DPP10: variants seen among roughly 807,000 people sequenced by gnomAD.
DPP10 encodes inactive dipeptidyl peptidase 10.
Under a neutral mutation model 120.9 loss-of-function variants are expected in DPP10, and 33 were observed. The observed-to-expected ratio is 0.27, with a 90% CI of 0.21 to 0.37. DPP10 has a LOEUF of 0.37. DPP10 is among the 10% of genes least tolerant of loss of function. DPP10 has a pLI of 1.00. For missense variants in DPP10, 816 were observed against 942.8 expected (o/e 0.87, Z 1.76); for synonymous variants, 337 against 326.1 (o/e 1.03, Z -0.36).
chr2:115,683,199 A>T (rs1559025661), intron 5 of DPP10, among the ~76,000 whole-genome samples: 1 of 151,994 alleles, frequency 6.6e-6, no homozygotes, highest in Non-Finnish European at 1.5e-5. Flanking sequence ...AAACACATGG[A>T]TGAAATGTAT....
At chr2:114,554,382 G>C (rs1172077826) in intron 1 of DPP10, among the ~76,000 whole-genome samples, 1 of 152,244 alleles carries the variant, frequency 6.6e-6, no homozygotes, top group Non-Finnish European at 1.5e-5. Context: ...CACTGGGGCT[G>C]TGTCACCTTG....
chr2:115,728,302 A>T (rs1257583782), intron 8 of DPP10, among the ~76,000 whole-genome samples: 2 of 152,144 alleles, frequency 1.3e-5, no homozygotes, highest in Admixed American at 1.3e-4. Context: ...AAAAAAAAAA[A>T]AAAATGCATA....
chr2:115,334,801 A>G (rs902904813), intron 2 of DPP10, among the ~76,000 whole-genome samples: 1 of 152,044 alleles, frequency 6.6e-6, no homozygotes, highest in African/African-American at 2.4e-5. Context: ...GACAATAGCT[A>G]AAAGTAAATG....
intron 5 of DPP10, chr2:115,579,782 C>T (rs2081909069): frequency 2.0e-5 from 3 of 152,092 alleles, no homozygotes; most frequent in African/African-American, 7.2e-5. Context: ...TCTCTCTGTC[C>T]ACATAACGTA....
chr2:115,073,492 T>C (rs559007567), intron 1 of DPP10, among the ~76,000 whole-genome samples: 2 of 152,348 alleles, frequency 1.3e-5, no homozygotes, highest in East Asian at 3.9e-4. Flanking sequence ...AGATGGGCTG[T>C]TAGAGGGCAG....
At chr2:114,864,876 G>A (rs1247044186) in intron 1 of DPP10, among the ~76,000 whole-genome samples, 3 of 152,090 alleles carry the variant, frequency 2.0e-5, no homozygotes, top group Non-Finnish European at 2.9e-5. Context: ...TCTTCACAAA[G>A]CCATTTTCAC....
intron 3 of DPP10, among the ~76,000 whole-genome samples, chr2:115,378,892 G>A (rs1574624899): frequency 6.6e-6 from 1 of 152,198 alleles, no homozygotes; most frequent in Admixed American, 6.5e-5. Context: ...TTGCATCCCA[G>A]GGATGAAGCC....
At position 115,541,497 on chromosome 2, in the gene DPP10, C is replaced by CGA. The variant is rs143431952; in HGVS notation, c.441+15540_441+15541dup. Among the ~76,000 whole-genome samples the CGA allele has an allele frequency of 4.7e-5, 7 of 149,246 alleles. No individual in the cohort carries two copies. In the East Asian group the frequency reaches 5.9e-4, roughly 13 times the overall value. On this transcript the variant is annotated intron_variant, in intron 5 of 25. Transcript: ENST00000410059. The stretch of plus-strand genomic sequence containing the variant: ...GGGTGTGTGTATCTGTGTGTGTGTG[C>CGA]GAGAGAGAGAGAGAGATTTTTAAAA...
intron 10 of DPP10, among the ~76,000 whole-genome samples, chr2:115,747,527 T>C (rs943964975): frequency 1.9e-4 from 29 of 152,024 alleles, no homozygotes; most frequent in Admixed American, 5.9e-4. Flanking sequence ...GAGTCACATG[T>C]CTACCACCAT....
chr2:115,697,906 CG>C (rs2091683018), intron 7 of DPP10, among the ~76,000 whole-genome samples: 1 of 152,062 alleles, frequency 6.6e-6, no homozygotes, highest in African/African-American at 2.4e-5. Flanking sequence ...GGCATGAACC[CG>C]GGAGGCAGAG....
chr2:114,992,952 T>C (rs758539534), intron 1 of DPP10, among the ~76,000 whole-genome samples: 2 of 152,186 alleles, frequency 1.3e-5, no homozygotes, highest in Non-Finnish European at 2.9e-5. Flanking sequence ...GTGACTCCTT[T>C]CCCTCTCCTT....
intron 3 of DPP10, among the ~76,000 whole-genome samples, chr2:115,465,556 C>T (rs2074274000): frequency 6.6e-6 from 1 of 152,192 alleles, no homozygotes; most frequent in Non-Finnish European, 1.5e-5. Context: ...GGCATGGTGG[C>T]TCACGCCTGT....
intron 1 of DPP10, among the ~76,000 whole-genome samples, chr2:114,663,504 C>T (rs1486612840): frequency 6.7e-6 from 1 of 150,138 alleles, no homozygotes; most frequent in East Asian, 1.9e-4. Flanking sequence ...CCAACAGGAC[C>T]CGCTGTAATT....
intron 1 of DPP10, among the ~76,000 whole-genome samples, chr2:114,805,554 G>A (rs561597061): frequency 3.9e-5 from 6 of 152,310 alleles, no homozygotes; most frequent in Admixed American, 1.3e-4. Context: ...CTTAACGCTA[G>A]CCCTTCTCTC....
At chr2:115,528,020 A>G (rs1575100489) in intron 5 of DPP10, among the ~76,000 whole-genome samples, 1 of 152,164 alleles carries the variant, frequency 6.6e-6, no homozygotes, top group African/African-American at 2.4e-5. Flanking sequence ...TTATGCCACA[A>G]TAAACATATG....
At chr2:115,369,701 T>C (rs977657713) in intron 3 of DPP10, among the ~76,000 whole-genome samples, 4 of 152,020 alleles carry the variant, frequency 2.6e-5, no homozygotes, top group East Asian at 1.9e-4. Context: ...CAAGAATAAA[T>C]AGAAAGTGTG....
chr2:115,577,515 G>A (rs914031000), intron 5 of DPP10, among the ~76,000 whole-genome samples: 2 of 152,144 alleles, frequency 1.3e-5, no homozygotes, highest in Admixed American at 1.3e-4. Flanking sequence ...AAAATTTGAA[G>A]TATTATAAAA....
intron 1 of DPP10, among the ~76,000 whole-genome samples, chr2:114,836,528 T>G (rs1212617729): frequency 6.6e-6 from 1 of 152,080 alleles, no homozygotes; most frequent in Non-Finnish European, 1.5e-5. Flanking sequence ...AGAGATCACG[T>G]GGTTCACAAG....
chr2:115,727,735 G>C, intron 7 of DPP10, 81 bp from the exon 8 acceptor site: 2 of 1,434,482 alleles, frequency 1.4e-6, no homozygotes, highest in Non-Finnish European at 1.8e-6. Context: ...TGGCTATTCA[G>C]TGATCATTCT....
Sources: allele counts gnomAD v4.1 joint callset (sites outside exome capture counted in the v4.1 genomes callset), GRCh38; gene constraint gnomAD v4.1.1; transcripts MANE v1.5; gene names NCBI Gene and HGNC (gene_info 2026-07-23, HGNC 2026-07-21).